Variants in FMNL2 observed in about 807,000 individuals in gnomAD.
FMNL2 encodes the protein formin like 2, also known as formin-like protein 2.
A neutral mutation model predicts 130.2 loss-of-function variants in FMNL2; 51 were observed. The ratio of observed to expected loss-of-function variants is 0.39; its 90% confidence interval spans 0.31 to 0.49. FMNL2 has a LOEUF of 0.49. Among genes scored for constraint, FMNL2 ranks in the 20% least tolerant of loss-of-function variants. FMNL2 has a pLI of 0.85. For synonymous variants in FMNL2, 465 were observed against 467.1 expected (o/e 1.00, Z 0.06); for missense variants, 977 against 1,316.2 (o/e 0.74, Z 3.99).
chr2:152,647,976 G>T lies in FMNL2; in HGVS notation c.*71G>T. The T allele has an allele frequency of 8.1e-7, 1 of 1,241,986 alleles. No individual in the cohort carries two copies. Among genetic ancestry groups the T allele is most frequent in the South Asian group, 1.4e-5 (1 of 71,718 alleles). The allele number at this position is 1,241,986 out of a possible 1,614,324, so 76.9% of individuals were successfully genotyped here. ...TGCCCACATGAACTTTATGTGCTAC[G>T]ATTTAACTGCAGCCTTGAACACACA... On this transcript the variant is annotated 3_prime_UTR_variant, in exon 26 of 26. Transcript: ENST00000288670.
chr2:152,343,310 T>C (rs1681917682), intron 1 of FMNL2, among the ~76,000 whole-genome samples: 1 of 152,146 alleles, frequency 6.6e-6, no homozygotes, highest in South Asian at 2.1e-4. Flanking sequence ...TATTTTTTTG[T>C]TTTGAGATGG....
At chr2:152,351,496 T>C (rs553625485) in intron 1 of FMNL2, among the ~76,000 whole-genome samples, 11 of 152,268 alleles carry the variant, frequency 7.2e-5, no homozygotes, top group African/African-American at 2.4e-4. Flanking sequence ...ATGATGGTTT[T>C]CAGCTTCATC....
rs1261470740 is a variant in FMNL2 at position 152,649,553 on chromosome 2, T to TCAA, written c.*1651_*1653dup. ...GCCACGATTTTGTCTTTCTGTGGAC[T>TCAA]CAACATTCACTTCGATTAAAAATAG... On this transcript the variant is annotated 3_prime_UTR_variant, in exon 26 of 26. Coordinates refer to ENST00000288670, the MANE Select transcript of FMNL2 (RefSeq NM_052905.4). 2.6e-5 allele frequency: 4 copies of TCAA among 152,656 alleles called. No homozygotes were observed. The highest frequency in any genetic ancestry group is 4.8e-5 in the African/African-American group (2 of 41,464). 9.5% of individuals were successfully genotyped at this position (152,656 alleles called of 1,614,324 possible).
intron 1 of FMNL2, among the ~76,000 whole-genome samples, chr2:152,367,077 G>T (rs7582423): frequency 0.62 from 90,489 of 144,826 alleles, 31,842 homozygotes; most frequent in Admixed American, 0.78. Context: ...GTGTGTGTTT[G>T]TTTTTTTTTT....
At chr2:152,381,175 A>G (rs552616872) in intron 1 of FMNL2, among the ~76,000 whole-genome samples, 188 of 152,292 alleles carry the variant, frequency 1.2e-3, no homozygotes, top group Middle Eastern at 3.4e-3. Context: ...AATTTTTTGT[A>G]TTGCTTTGGG....
At chr2:152,396,152 T>C (rs889602981) in intron 1 of FMNL2, among the ~76,000 whole-genome samples, 2 of 152,208 alleles carry the variant, frequency 1.3e-5, no homozygotes, top group Non-Finnish European at 2.9e-5. Flanking sequence ...TCCTTTATTT[T>C]AGTGTCTTAG....
chr2:152,552,565 A>G (rs1694996052), intron 4 of FMNL2, among the ~76,000 whole-genome samples: 1 of 152,078 alleles, frequency 6.6e-6, no homozygotes, highest in Non-Finnish European at 1.5e-5. Context: ...TAAGCCTAAA[A>G]CTCTATAAAT....
chr2:152,586,993 C>G (rs1205275231), intron 9 of FMNL2, among the ~76,000 whole-genome samples: 1 of 152,178 alleles, frequency 6.6e-6, no homozygotes, highest in Non-Finnish European at 1.5e-5. Flanking sequence ...CATCTGGAGG[C>G]TGTTTCACCC....
chr2:152,441,760 GGGA>G (rs1688059706), intron 1 of FMNL2, among the ~76,000 whole-genome samples: 1 of 151,914 alleles, frequency 6.6e-6, no homozygotes, highest in Admixed American at 6.6e-5. Flanking sequence ...GCTTGAACCA[GGGA>G]GGCGGAGTTT....
At chr2:152,405,218 A>G (rs1685918390) in intron 1 of FMNL2, among the ~76,000 whole-genome samples, 1 of 152,164 alleles carries the variant, frequency 6.6e-6, no homozygotes, top group East Asian at 1.9e-4. Context: ...TGAGCTGGGC[A>G]TTATCATTAA....
At chr2:152,456,904 C>T (rs1688987793) in intron 1 of FMNL2, among the ~76,000 whole-genome samples, 1 of 149,588 alleles carries the variant, frequency 6.7e-6, no homozygotes, top group Admixed American at 6.7e-5. Flanking sequence ...CGCCACTACA[C>T]TCCAGCCTGA....
intron 1 of FMNL2, among the ~76,000 whole-genome samples, chr2:152,454,983 A>C (rs1461065641): frequency 6.6e-6 from 1 of 152,186 alleles, no homozygotes; most frequent in Non-Finnish European, 1.5e-5. Context: ...TTTGAAGTAG[A>C]CATGTCATTG....
At position 152,521,997 on chromosome 2, in the gene FMNL2, G is replaced by A; in HGVS notation, c.172G>A (p.Glu58Lys). ...KARLLRQYDN[E>K]KKWELICDQE... Reference sequence around the variant, plus strand: ...CAGGTTACTGCGGCAGTATGATAATGAGAAAAAATGGGAACTGATTTGTGA... The same window carrying A: ...CAGGTTACTGCGGCAGTATGATAATAAGAAAAAATGGGAACTGATTTGTGA... The change falls in exon 2 of 26, where the codon GAG (glutamate) becomes AAG (lysine). Residue 58 changes from glutamate (E) to lysine (K), a missense_variant. Glu to Lys is a moderately conservative substitution (Grantham distance 56). Around this residue, in one of 4 missense-constraint regions of FMNL2, gnomAD observed 117 missense variants for 134.9 expected, o/e 0.87. Coordinates refer to ENST00000288670, the MANE Select transcript of FMNL2 (RefSeq NM_052905.4). 1 of 1,609,094 alleles carries A rather than the reference G, an allele frequency of 6.2e-7. No homozygotes were observed. Among genetic ancestry groups the A allele is most frequent in the Non-Finnish European group, 8.5e-7 (1 of 1,178,530 alleles).
chr2:152,523,854 A>C (rs988019235), intron 2 of FMNL2, among the ~76,000 whole-genome samples: 4 of 152,326 alleles, frequency 2.6e-5, no homozygotes, highest in Admixed American at 2.6e-4. Context: ...GCCTCTAACA[A>C]CTTGCTTAGT....
chr2:152,571,596 A>C (rs1281168854), intron 6 of FMNL2, among the ~76,000 whole-genome samples: 2 of 152,200 alleles, frequency 1.3e-5, no homozygotes, highest in Non-Finnish European at 2.9e-5. Flanking sequence ...AGAGGTACTC[A>C]TGCCTCCTAC....
At chr2:152,352,254 A>G (rs964576028) in intron 1 of FMNL2, among the ~76,000 whole-genome samples, 1 of 152,202 alleles carries the variant, frequency 6.6e-6, no homozygotes, top group Non-Finnish European at 1.5e-5. Context: ...ATAATACAAT[A>G]TAGGTCACTT....
intron 2 of FMNL2, among the ~76,000 whole-genome samples, chr2:152,542,175 G>A (rs1312990077): frequency 1.3e-5 from 2 of 152,014 alleles, no homozygotes; most frequent in East Asian, 1.9e-4. Flanking sequence ...CATTCATGTC[G>A]GCACACACAT....
intron 1 of FMNL2, among the ~76,000 whole-genome samples, chr2:152,503,250 G>C (rs1691951763): frequency 6.6e-6 from 1 of 152,216 alleles, no homozygotes; most frequent in Non-Finnish European, 1.5e-5. Flanking sequence ...CCAAGGAGTG[G>C]AGTGGAGGTC....
At chr2:152,591,546 C>T (rs758580633) in intron 9 of FMNL2, among the ~76,000 whole-genome samples, 31 of 152,216 alleles carry the variant, frequency 2.0e-4, no homozygotes, top group African/African-American at 4.3e-4. Flanking sequence ...CGGCTCATGC[C>T]GGTAATCCCA....
Sources: allele counts gnomAD v4.1 joint callset (sites outside exome capture counted in the v4.1 genomes callset), GRCh38; gene constraint gnomAD v4.1.1; regional missense constraint gnomAD v4.1.1; transcripts MANE v1.5; gene names NCBI Gene and HGNC (gene_info 2026-07-23, HGNC 2026-07-21).